VAV3: variants seen among roughly 807,000 people sequenced by gnomAD.
VAV3 encodes the protein guanine nucleotide exchange factor VAV3.
A neutral mutation model predicts 131.2 loss-of-function variants in VAV3; 94 were observed. The ratio of observed to expected loss-of-function variants is 0.72; its 90% CI spans 0.61 to 0.85. VAV3 has a LOEUF of 0.85. VAV3 is among the 40% of genes least tolerant of loss of function. The pLI is 0.00. For missense variants in VAV3, 939 were observed against 1,002.7 expected, an observed-to-expected ratio of 0.94 and a Z score of 0.86; for synonymous variants, 349 against 342.0, an observed-to-expected ratio of 1.02 and a Z score of -0.22.
intron 1 of VAV3, among the ~76,000 whole-genome samples, chr1:107,912,284 T>A (rs954627044): frequency 1.3e-5 from 2 of 152,240 alleles, no homozygotes; most frequent in African/African-American, 4.8e-5. Context: ...AATGCTTTGT[T>A]GCTTTGTAAT....
At chr1:107,833,275 T>C (rs371979063) in intron 2 of VAV3, among the ~76,000 whole-genome samples, 9 of 152,302 alleles carry the variant, frequency 5.9e-5, no homozygotes, top group African/African-American at 1.9e-4. Context: ...GTGGTCTGGA[T>C]AGATCAGATC....
At chr1:107,899,168 T>C (rs545467579) in intron 1 of VAV3, among the ~76,000 whole-genome samples, 41 of 152,358 alleles carry the variant, frequency 2.7e-4, no homozygotes, top group Middle Eastern at 6.8e-3. Flanking sequence ...AGATGACTTT[T>C]TTCACAATGC....
intron 21 of VAV3, among the ~76,000 whole-genome samples, chr1:107,613,935 T>A (rs372685094): frequency 3.5e-4 from 53 of 152,276 alleles, no homozygotes; most frequent in African/African-American, 1.2e-3. Context: ...GGAATAATTT[T>A]AAACTACACT....
intron 20 of VAV3, among the ~76,000 whole-genome samples, chr1:107,629,500 C>T (rs1022008946): frequency 6.6e-6 from 1 of 152,134 alleles, no homozygotes; most frequent in African/African-American, 2.4e-5. Context: ...TGTTGTTAGG[C>T]TTAGTAAAAA....
chr1:107,673,362 G>A lies in VAV3; in HGVS notation c.1777+10126C>T, dbSNP rs114215165. On this transcript the variant is annotated intron_variant, in intron 19 of 26. Transcript: ENST00000370056. The stretch of plus-strand genomic sequence containing the variant: ...TTTTCCTTCCATTCTCTTTGTGAAT[G>A]GCTCTCCTGCTCCAACCCTAACCAT... Among the ~76,000 whole-genome samples, 1,357 of 152,184 alleles carry A rather than the reference G, an allele frequency of 8.9e-3. 13 individuals carry two copies. Among genetic ancestry groups the A allele is most frequent in the African/African-American group, 0.028 (1,154 of 41,522 alleles).
intron 1 of VAV3, among the ~76,000 whole-genome samples, chr1:107,911,073 C>T (rs1157643209): frequency 2.0e-5 from 3 of 152,018 alleles, no homozygotes; most frequent in Non-Finnish European, 4.4e-5. Flanking sequence ...TAAAATGTTA[C>T]TCAATTGCTT....
intron 12 of VAV3, among the ~76,000 whole-genome samples, chr1:107,752,497 A>G (rs1042597374): frequency 4.6e-5 from 7 of 152,234 alleles, no homozygotes; most frequent in Non-Finnish European, 1.0e-4. Flanking sequence ...CTCACAGACA[A>G]TATCAACAGA....
rs1042672249 is a variant in VAV3 at position 107,749,385 on chromosome 1, C to G, written c.1392+77G>C. ...ATCTGGATTGATAAGCCATATCTCA[C>G]ATTAATGTATTATCATACTTTTCCT... On this transcript the variant is annotated intron_variant, in intron 14 of 26. Transcript: ENST00000370056. 6 of 1,436,156 alleles carry G rather than the reference C, an allele frequency of 4.2e-6. No individual in the cohort carries two copies. The Middle Eastern group carries it at 9.6e-4, about 230-fold the overall frequency. 89.0% of individuals were successfully genotyped at this position (1,436,156 alleles called of 1,614,324 possible).
At chr1:107,608,365 T>A (rs577289522) in intron 22 of VAV3, among the ~76,000 whole-genome samples, 2 of 152,330 alleles carry the variant, frequency 1.3e-5, no homozygotes, top group Admixed American at 6.5e-5. Flanking sequence ...AAAAATGGTA[T>A]AAGAGAAGAA....
At chr1:107,898,306 AC>A (rs576677805) in intron 1 of VAV3, among the ~76,000 whole-genome samples, 3 of 152,230 alleles carry the variant, frequency 2.0e-5, no homozygotes, top group Non-Finnish European at 2.9e-5. Context: ...AGTAGAAATT[AC>A]TTTTATAAAT....
At chr1:107,922,884 G>A (rs1161482128) in intron 1 of VAV3, among the ~76,000 whole-genome samples, 7 of 151,226 alleles carry the variant, frequency 4.6e-5, no homozygotes, top group African/African-American at 1.5e-4. Context: ...CCCGGGAGGC[G>A]GAGCTTGCAG....
intron 1 of VAV3, among the ~76,000 whole-genome samples, chr1:107,880,900 G>T (rs1189261382): frequency 6.6e-6 from 1 of 152,120 alleles, no homozygotes; most frequent in Non-Finnish European, 1.5e-5. Flanking sequence ...CTTGCTATGT[G>T]TCAAGCTCTA....
chr1:107,721,336 G>A (rs1176080068), intron 15 of VAV3, among the ~76,000 whole-genome samples: 1 of 152,192 alleles, frequency 6.6e-6, no homozygotes. Context: ...ACTGTTCAGA[G>A]CAGAGCAGGA....
rs113605640 is a variant in VAV3 at position 107,766,215 on chromosome 1, T to G, written c.821+232A>C. Reference sequence around the variant, plus strand: ...CCTTTTGATTTGCGATGCAAAAAAATAAGCACCATACTGGGTCCTTCCCCC... The same window carrying G: ...CCTTTTGATTTGCGATGCAAAAAAAGAAGCACCATACTGGGTCCTTCCCCC... On this transcript the variant is annotated intron_variant, in intron 8 of 26. Transcript: ENST00000370056. Among the ~76,000 whole-genome samples, 614 of 152,218 alleles carry G rather than the reference T, an allele frequency of 4.0e-3. 2 individuals are homozygous for G. Among genetic ancestry groups the G allele is most frequent in the African/African-American group, 0.014 (588 of 41,554 alleles).
intron 9 of VAV3, among the ~76,000 whole-genome samples, chr1:107,763,612 CTT>C (rs1664564074): frequency 6.6e-6 from 1 of 152,186 alleles, no homozygotes; most frequent in Non-Finnish European, 1.5e-5. Flanking sequence ...AGCAGGAAGT[CTT>C]TGCACTAACA....
chr1:107,630,099 G>T (rs1053321967), intron 20 of VAV3, among the ~76,000 whole-genome samples: 2 of 152,002 alleles, frequency 1.3e-5, no homozygotes, highest in Admixed American at 1.3e-4. Context: ...TTATCTATAG[G>T]TTTAACGCTA....
In VAV3 at chr1:107,592,974, T is replaced by C. The variant is rs1468894116; in HGVS notation, c.2350+3238A>G. 3.9e-5 allele frequency among the ~76,000 whole-genome samples: 6 copies of C among 152,256 alleles called. No individual in the cohort carries two copies. In the East Asian group the frequency reaches 1.2e-3, roughly 29 times the overall value. On this transcript the variant is annotated intron_variant, in intron 25 of 26. Coordinates refer to ENST00000370056, the MANE Select transcript of VAV3 (RefSeq NM_006113.5). The stretch of plus-strand genomic sequence containing the variant: ...TCTTTCATGGAGTCACTGAAGTTTC[T>C]AGAGGAAGCCCAAGAGCTCCCTGCT...
At chr1:107,825,641 C>T (rs1667978279) in intron 2 of VAV3, among the ~76,000 whole-genome samples, 1 of 152,144 alleles carries the variant, frequency 6.6e-6, no homozygotes, top group East Asian at 1.9e-4. Flanking sequence ...AATGCTTTGA[C>T]CTTTCCTACC....
intron 1 of VAV3, among the ~76,000 whole-genome samples, chr1:107,936,868 C>T (rs6680307): frequency 0.031 from 4,750 of 152,262 alleles, 244 homozygotes; most frequent in African/African-American, 0.11. Context: ...TCACGCTGCT[C>T]CTTCCCCGAC....
Sources: allele counts gnomAD v4.1 joint callset (sites outside exome capture counted in the v4.1 genomes callset), GRCh38; gene constraint gnomAD v4.1.1; transcripts MANE v1.5; gene names NCBI Gene and HGNC (gene_info 2026-07-23, HGNC 2026-07-21).